Variants in NUMB observed in about 807,000 individuals in gnomAD.
NUMB encodes protein numb homolog.
Under a neutral mutation model 59.7 loss-of-function variants are expected in NUMB, and 29 were observed. The observed-to-expected ratio is 0.49, with a 90% CI of 0.36 to 0.66. NUMB has a LOEUF of 0.66. Ranked by LOEUF, NUMB falls within the 30% of genes least tolerant of loss-of-function variation. NUMB has a pLI of 0.00. For synonymous variants in NUMB, 288 were observed against 288.2 expected (o/e 1.00, Z 0.01); for missense variants, 723 against 822.0 (o/e 0.88, Z 1.47).
intron 6 of NUMB, among the ~76,000 whole-genome samples, chr14:73,314,559 T>C (rs1006347255): frequency 2.0e-5 from 3 of 152,140 alleles, no homozygotes; most frequent in Non-Finnish European, 4.4e-5. Context: ...TCAGGATTGA[T>C]TTTGAGGGAA....
At chr14:73,383,142 T>C (rs1895332874) in intron 2 of NUMB, among the ~76,000 whole-genome samples, 1 of 152,152 alleles carries the variant, frequency 6.6e-6, no homozygotes, top group Non-Finnish European at 1.5e-5. Flanking sequence ...CAAAACTCTG[T>C]CTTCAAAAAA....
chr14:73,349,620 CT>C (rs1893102079), intron 4 of NUMB, among the ~76,000 whole-genome samples: 1 of 150,078 alleles, frequency 6.7e-6, no homozygotes, highest in African/African-American at 2.5e-5. Context: ...TGGCTCACAC[CT>C]GTAATCCCAG....
intron 11 of NUMB, among the ~76,000 whole-genome samples, chr14:73,280,723 C>T (rs914560447): frequency 2.0e-4 from 24 of 122,860 alleles, no homozygotes; most frequent in African/African-American, 7.0e-4. Flanking sequence ...GATGGGGTCT[C>T]GCTCTTGTCA....
At chr14:73,390,807 G>A (rs554372505) in intron 2 of NUMB, among the ~76,000 whole-genome samples, 11 of 151,228 alleles carry the variant, frequency 7.3e-5, no homozygotes, top group Admixed American at 1.3e-4. Flanking sequence ...ATGCCACCAC[G>A]CCCGGCTAAT....
chr14:73,332,219 T>TG (rs1892018485), intron 4 of NUMB, among the ~76,000 whole-genome samples: 1 of 152,118 alleles, frequency 6.6e-6, no homozygotes, highest in South Asian at 2.1e-4. Flanking sequence ...AAATGGATGG[T>TG]GACACCAAAG....
rs772324299 is a variant in NUMB, at chr14:73,323,241, T to A, written c.127-37A>T. The A allele has an allele frequency of 3.9e-5, 54 of 1,388,900 alleles. No homozygotes were observed. The East Asian group carries it at 1.2e-3, about 31-fold the overall frequency. 86.0% of individuals were successfully genotyped at this position (1,388,900 alleles called of 1,614,324 possible). Reference sequence around the variant, plus strand: ...AGGAAAAGTTAGGGCTATTGCTATGTTTACCAAGTAGCTACTATACAGTAA... The same window carrying A: ...AGGAAAAGTTAGGGCTATTGCTATGATTACCAAGTAGCTACTATACAGTAA... On this transcript the variant is annotated intron_variant, in intron 4 of 12. Transcript: ENST00000555238.
chr14:73,429,028 C>T (rs78391247), intron 1 of NUMB, among the ~76,000 whole-genome samples: 1 of 152,122 alleles, frequency 6.6e-6, no homozygotes, highest in African/African-American at 2.4e-5. Flanking sequence ...TTCCCTCATG[C>T]CCTCAGTAGT....
intron 3 of NUMB, among the ~76,000 whole-genome samples, chr14:73,366,141 A>T (rs1217992454): frequency 2.0e-5 from 3 of 152,232 alleles, no homozygotes; most frequent in Non-Finnish European, 2.9e-5. Flanking sequence ...GACAAAACAC[A>T]TTCATAATGC....
chr14:73,371,718 T>C (rs1894683056), intron 2 of NUMB, among the ~76,000 whole-genome samples: 1 of 152,118 alleles, frequency 6.6e-6, no homozygotes, highest in Admixed American at 6.5e-5. Context: ...TACTCCCTCC[T>C]GAATGGGATT....
Position 73,318,263 on chromosome 14 carries a change from C to T in NUMB, c.202-1841G>A, listed in dbSNP as rs1022701495. On this transcript the variant is annotated intron_variant, in intron 5 of 12. Coordinates refer to ENST00000555238, the MANE Select transcript of NUMB (RefSeq NM_001005743.2). ...AAGCTACTGTTAAACATTGAGCTTT[C>T]CCTCTTTTTATAAAATACCCAAGAT... 2.6e-5 allele frequency among the ~76,000 whole-genome samples: 4 copies of T among 152,120 alleles called. No individual in the cohort carries two copies. The South Asian group carries it at 8.3e-4, about 31-fold the overall frequency.
intron 1 of NUMB, among the ~76,000 whole-genome samples, chr14:73,427,933 GAAAAGTACA>G (rs1897658168): frequency 6.6e-6 from 1 of 152,062 alleles, no homozygotes; most frequent in African/African-American, 2.4e-5. Flanking sequence ...GACAGCCCTT[GAAAAGTACA>G]AAAATAAGCA....
At chr14:73,422,710 A>T (rs969089611) in intron 1 of NUMB, among the ~76,000 whole-genome samples, 2 of 152,050 alleles carry the variant, frequency 1.3e-5, no homozygotes, top group Admixed American at 1.3e-4. Context: ...ACACTCTTCC[A>T]AACAACCACA....
chr14:73,279,486 T>C (rs1206798739), intron 11 of NUMB, 62 bp from the exon 12 acceptor site: 1 of 1,473,442 alleles, frequency 6.8e-7, no homozygotes, highest in African/African-American at 1.4e-5. Context: ...AGTGACCCCT[T>C]GGAGCTGTGT....
At chr14:73,291,108 T>G (rs1186771060) in intron 8 of NUMB, among the ~76,000 whole-genome samples, 1 of 151,358 alleles carries the variant, frequency 6.6e-6, no homozygotes, top group Non-Finnish European at 1.5e-5. Flanking sequence ...TGAGATGGAG[T>G]CTTGCTTTGT....
chr14:73,296,374 G>C (rs1206948484), intron 7 of NUMB, among the ~76,000 whole-genome samples: 5 of 151,724 alleles, frequency 3.3e-5, no homozygotes, highest in African/African-American at 1.2e-4. Context: ...CCAGGAGGTG[G>C]AGGTTGCAGT....
In NUMB at chr14:73,433,145, T is replaced by C. The variant is rs145554970; in HGVS notation, c.-232-23077A>G. Among the ~76,000 whole-genome samples the C allele has an allele frequency of 1.3e-4, 19 of 151,378 alleles. No individual in the cohort carries two copies. In the East Asian group the frequency reaches 3.7e-3, roughly 29 times the overall value. On this transcript the variant is annotated intron_variant, in intron 1 of 12. Coordinates refer to ENST00000555238, the MANE Select transcript of NUMB (RefSeq NM_001005743.2). ...TTGCTTGAACCTGGGAGGCAGAGGT[T>C]GCAGTGAGCCAAGATTGCAGCAAGC... is the stretch of plus-strand genomic sequence containing the variant.
rs760340755 is a variant in NUMB, at chr14:73,284,423, T to G, written c.656-49A>C. On this transcript the variant is annotated intron_variant, in intron 9 of 12. Coordinates refer to ENST00000555238, the MANE Select transcript of NUMB (RefSeq NM_001005743.2). ...GACCTTAGCAATGTCTTCAAATAAT[T>G]TGCGTTTAGAGAGCTGACAAATTCG... 3.3e-6 allele frequency: 5 copies of G among 1,536,250 alleles called. No homozygotes were observed. The Admixed American group carries it at 7.7e-5, about 24-fold the overall frequency.
intron 1 of NUMB, among the ~76,000 whole-genome samples, chr14:73,414,424 C>T (rs1897031153): frequency 6.6e-6 from 1 of 152,180 alleles, no homozygotes; most frequent in Non-Finnish European, 1.5e-5. Flanking sequence ...GACAGGGTCT[C>T]ACTCTGTCGC....
chr14:73,457,725 C>T (rs538678402), intron 1 of NUMB: 1 of 152,500 alleles, frequency 6.6e-6, no homozygotes, highest in Non-Finnish European at 1.5e-5. Flanking sequence ...GTCTCCCATC[C>T]CAGCTCAGCT....
Sources: allele counts gnomAD v4.1 joint callset (sites outside exome capture counted in the v4.1 genomes callset), GRCh38; gene constraint gnomAD v4.1.1; transcripts MANE v1.5; gene names NCBI Gene and HGNC (gene_info 2026-07-23, HGNC 2026-07-21).